FUS: variants seen among roughly 807,000 people sequenced by gnomAD.
The protein encoded by FUS is FUS RNA binding protein.
FUS carries 5 observed loss-of-function variants against 82.7 expected under a neutral mutation model. That is an observed-to-expected ratio of 0.06 (90% confidence interval 0.03 to 0.13). The LOEUF (loss-of-function observed/expected upper bound fraction) is 0.13. FUS is among the 10% of genes least tolerant of loss of function. FUS has a pLI of 1.00. For missense variants in FUS, 512 were observed against 707.8 expected, an observed-to-expected ratio of 0.72 and a Z score of 3.14; for synonymous variants, 281 against 247.4, an observed-to-expected ratio of 1.14 and a Z score of -1.27.
chr16:31,182,903 A>C, intron 3 of FUS: 4 of 498,494 alleles, frequency 8.0e-6, no homozygotes, highest in South Asian at 7.9e-5. Flanking sequence ...TTTAGTAGAG[A>C]TGGGGTTTCA....
Position 31,185,040 on chromosome 16 carries a change from G to A in FUS, c.625G>A (p.Gly209Arg). Residue 209 changes from glycine (G) to arginine (R), a missense_variant, in exon 6 of 15, where the codon GGA becomes AGA. By Grantham distance (125) the Gly-to-Arg change is moderately radical. Coordinates refer to ENST00000254108, the MANE Select transcript of FUS (RefSeq NM_004960.4). Reference sequence around the variant, plus strand: ...TGGTGGAGGTGGCAGCGGTGGCTATGGACAGCAGGACCGTGGAGGCCGCGG... The same window carrying A: ...TGGTGGAGGTGGCAGCGGTGGCTATAGACAGCAGGACCGTGGAGGCCGCGG... Reference protein sequence around the residue: ...QSGGGGSGGYGQQDRGGRGRG... With the variant: ...QSGGGGSGGYRQQDRGGRGRG... The A allele has an allele frequency of 6.2e-7, 1 of 1,612,878 alleles. No homozygotes were observed.
chr16:31,189,290 GTAAAAGCAAGTCTT>G, intron 9 of FUS, 64 bp downstream of exon 9: 1 of 1,174,768 alleles, frequency 8.5e-7, no homozygotes, highest in Non-Finnish European at 1.3e-6. Context: ...TCACACATTA[GTAAAAGCAAGTCTT>G]TAATGGTTGC....
intron 1 of FUS, among the ~76,000 whole-genome samples, chr16:31,180,572 C>T (rs568144177): frequency 1.1e-3 from 169 of 152,348 alleles, no homozygotes; most frequent in African/African-American, 3.9e-3. Context: ...CGCTCGAGCC[C>T]GCTTTGTCGC....
chr16:31,186,408 C>T (rs962093466), intron 6 of FUS: 5 of 384,582 alleles, frequency 1.3e-5, no homozygotes, highest in Non-Finnish European at 1.5e-5. Context: ...CAAGGCTACC[C>T]CAGCCTGGTG....
chr16:31,193,394 T>C (rs1347660403), downstream of FUS: 1 of 526,384 alleles, frequency 1.9e-6, no homozygotes, highest in Non-Finnish European at 3.7e-6. Flanking sequence ...CTGCCACTGC[T>C]GGTTTCTTTG....
chr16:31,191,481 AC>A lies in FUS; in HGVS notation c.*46del. The A allele has an allele frequency of 6.3e-7, 1 of 1,593,546 alleles. No individual in the cohort carries two copies. The highest frequency in any genetic ancestry group is 8.6e-7 in the Non-Finnish European group (1 of 1,162,608). On this transcript the variant is annotated 3_prime_UTR_variant, in exon 15 of 15. Transcript: ENST00000254108. ...GTTCTGGAACAGCTTTTTGTCCTGT[AC>A]CCAGTGTTACCCTCGTTATTTTGTA... is the stretch of plus-strand genomic sequence containing the variant.
At chr16:31,189,309 G>T in intron 9 of FUS, 83 bp downstream of exon 9, 5 of 1,059,180 alleles carry the variant, frequency 4.7e-6, no homozygotes, top group Non-Finnish European at 7.4e-6. Flanking sequence ...AGTCTTTAAT[G>T]GTTGCCAGCA....
intron 7 of FUS, chr16:31,187,097 G>T: frequency 5.4e-6 from 3 of 551,106 alleles, no homozygotes; most frequent in Non-Finnish European, 6.5e-6. Context: ...GCCTTGGACT[G>T]GGCCGTTGCC....
intron 8 of FUS, chr16:31,188,844 C>G (rs2079310724): frequency 3.9e-6 from 2 of 509,684 alleles, no homozygotes; most frequent in South Asian, 4.6e-5. Context: ...TACTGATGGA[C>G]TTTTCTGTGT....
chr16:31,187,216 TGTGTGTGTGA>T (rs1390148114), intron 7 of FUS: 1 of 371,692 alleles, frequency 2.7e-6, no homozygotes, highest in Non-Finnish European at 5.0e-6. Flanking sequence ...CCAAGGCTTG[TGTGTGTGTGA>T]GTGTGTGGGA....
intron 5 of FUS, 73 bp from the exon 6 acceptor site, chr16:31,184,866 C>T (rs541388133): frequency 5.3e-6 from 8 of 1,523,606 alleles, no homozygotes; most frequent in Non-Finnish European, 7.2e-6. Context: ...CTTGTCAAAC[C>T]TTTTCAAACC....
At chr16:31,186,420 G>A (rs2079270563) in intron 6 of FUS, 1 of 394,928 alleles carries the variant, frequency 2.5e-6, no homozygotes, top group African/African-American at 2.0e-5. Flanking sequence ...AGCCTGGTGT[G>A]AAATGTCTTC....
chr16:31,188,702 T>G, intron 8 of FUS: 1 of 485,854 alleles, frequency 2.1e-6, no homozygotes, highest in Non-Finnish European at 3.7e-6. Context: ...TGAACAAAAC[T>G]AGTGAAAGAC....
In FUS at chr16:31,189,994, A is replaced by T. The variant is rs1430510090; in HGVS notation, c.1067-46A>T. The T allele has an allele frequency of 3.2e-6, 5 of 1,575,540 alleles. No individual in the cohort carries two copies. In the Admixed American group the frequency reaches 9.2e-5, roughly 29 times the overall value. ...ACGCTTCTCTTGTATTTTCGGATTA[A>T]TGTGTCTTGCATTTAAAGTCTGTTG... On this transcript the variant is annotated intron_variant, in intron 10 of 14. Coordinates refer to ENST00000254108, the MANE Select transcript of FUS (RefSeq NM_004960.4).
chr16:31,185,156 C>T lies in FUS; in HGVS notation c.741C>T (p.Gly247=). The change falls in exon 6 of 15, where the codon GGC becomes GGT. Residue 247 remains glycine (G), a synonymous_variant. Coordinates refer to ENST00000254108, the MANE Select transcript of FUS (RefSeq NM_004960.4). ...GGYEPRGRGG[G]RGGRGGMGGS... is the part of the protein sequence containing the mutation. Reference sequence around the variant, plus strand: ...ATGAACCCAGAGGTCGTGGAGGTGGCCGTGGAGGCAGAGGTGGCATGGGGT... The same window carrying T: ...ATGAACCCAGAGGTCGTGGAGGTGGTCGTGGAGGCAGAGGTGGCATGGGGT... 6.2e-7 allele frequency: 1 copy of T among 1,609,836 alleles called. No individual in the cohort carries two copies. Among genetic ancestry groups the T allele is most frequent in the East Asian group, 2.2e-5 (1 of 44,758 alleles).
intron 8 of FUS, 84 bp downstream of exon 8, chr16:31,188,441 G>A (rs2079304164): frequency 1.9e-5 from 27 of 1,452,988 alleles, no homozygotes; most frequent in Middle Eastern, 1.7e-4. Flanking sequence ...ATTATAAAAA[G>A]GAAACTGAAA....
At chr16:31,185,778 C>G (rs927975017) in intron 6 of FUS, 5 of 307,756 alleles carry the variant, frequency 1.6e-5, no homozygotes, top group African/African-American at 1.1e-4. Context: ...ACAGTGGTCT[C>G]CCACCTATTT....
rs761955039 is a variant in FUS at position 31,191,433 on chromosome 16, TATTA to T, written c.1581_*3del. On this transcript the variant is annotated frameshift_variant and stop_lost, in exon 15 of 15. Transcript: ENST00000254108. LOFTEE classifies it high-confidence loss of function. ...CAGACAGGATCGCAGGGAGAGGCCG[TATTA>T]ATTAGCCTGGCTCCCCAGGTTCTGG... 54 of 1,612,984 alleles carry T rather than the reference TATTA, an allele frequency of 3.3e-5. No homozygotes were observed. The South Asian group carries it at 5.5e-4, about 16-fold the overall frequency.
chr16:31,180,307 G>A (rs973773422), intron 1 of FUS, 80 bp downstream of exon 1: 280 of 1,530,886 alleles, frequency 1.8e-4, no homozygotes, highest in Non-Finnish European at 2.2e-4. Context: ...CAGTGGGACC[G>A]GGGCGGCGAT....
Sources: gnomAD v4.1 joint callset for allele counts (sites outside exome capture counted in the v4.1 genomes callset) on GRCh38, gnomAD v4.1.1 for gene constraint, MANE v1.5 for transcripts, NCBI Gene and HGNC (gene_info 2026-07-23, HGNC 2026-07-21) for gene names.